The following OSBPL11 variants were observed in gnomAD, a reference collection of about 807,000 sequenced individuals.
The protein encoded by OSBPL11 is oxysterol-binding protein-related protein 11.
A neutral mutation model predicts 84.4 loss-of-function variants in OSBPL11; 33 were observed. The observed-to-expected ratio is 0.39, with a 90% CI of 0.30 to 0.52. OSBPL11 has a LOEUF of 0.52. Ranked by LOEUF, OSBPL11 falls within the 20% of genes least tolerant of loss-of-function variation. The pLI is 0.72. For synonymous variants in OSBPL11, 276 were observed against 310.2 expected (o/e 0.89, Z 1.16); for missense variants, 736 against 901.1 (o/e 0.82, Z 2.35).
chr3:125,575,907 T>G (rs1559845722), intron 5 of OSBPL11, among the ~76,000 whole-genome samples: 1 of 151,302 alleles, frequency 6.6e-6, no homozygotes, highest in Non-Finnish European at 1.5e-5. Context: ...TAATTACCCT[T>G]TTGATCATAA....
intron 11 of OSBPL11, among the ~76,000 whole-genome samples, chr3:125,533,305 A>G (rs1051544200): frequency 3.3e-5 from 5 of 150,686 alleles, no homozygotes; most frequent in Admixed American, 6.6e-5. Context: ...GCTCACTGCA[A>G]CCTCTGCCTC....
At chr3:125,557,089 CTGTTA>C (rs1318780775) in intron 8 of OSBPL11, among the ~76,000 whole-genome samples, 1 of 152,092 alleles carries the variant, frequency 6.6e-6, no homozygotes, top group African/African-American at 2.4e-5. Context: ...AGTGAGAGCT[CTGTTA>C]TGTTAGGGTA....
At position 125,595,356 on chromosome 3, in the gene OSBPL11, C is replaced by G. The variant is rs2107617151; in HGVS notation, c.-556G>C. On this transcript the variant is annotated 5_prime_UTR_variant, in exon 1 of 13. Coordinates refer to ENST00000296220, the MANE Select transcript of OSBPL11 (RefSeq NM_022776.5). ...GGGAATGAGGCCGCCGGGGGCGGGA[C>G]GCCGGCTCCCGGGGCCGCCTCTCCC... is the stretch of plus-strand genomic sequence containing the variant. Among the ~76,000 whole-genome samples, 1 of 152,238 alleles carries G rather than the reference C, an allele frequency of 6.6e-6. No homozygotes were observed. Among genetic ancestry groups the G allele is most frequent in the South Asian group, 2.1e-4 (1 of 4,824 alleles).
chr3:125,539,189 A>T (rs2107588387), intron 10 of OSBPL11, among the ~76,000 whole-genome samples: 1 of 150,400 alleles, frequency 6.6e-6, no homozygotes, highest in East Asian at 1.9e-4. Flanking sequence ...CTCTTGCCAA[A>T]AGAGAAAAAT....
At chr3:125,566,566 T>G (rs1936159379) in intron 6 of OSBPL11, among the ~76,000 whole-genome samples, 2 of 152,106 alleles carry the variant, frequency 1.3e-5, no homozygotes, top group Non-Finnish European at 2.9e-5. Flanking sequence ...CTTTCTTTTA[T>G]GAGTAAGGTG....
chr3:125,567,469 T>C lies in OSBPL11; in HGVS notation c.793A>G (p.Met265Val). Residue 265 changes from methionine to valine, a missense_variant, in exon 6 of 13, where the codon ATG (methionine) becomes GTG (valine). Met to Val is a conservative substitution (Grantham distance 21). Coordinates refer to ENST00000296220, the MANE Select transcript of OSBPL11 (RefSeq NM_022776.5). ...TGAAAGCAGTCATTTAAGCAGTTCA[T>C]AGTTGCCATGGAAGTAGCTTTGAGC... is the stretch of plus-strand genomic sequence containing the variant. ...LMLKATSMAT[M>V]NCLNDCFHIL... 1.2e-6 allele frequency: 2 copies of C among 1,614,162 alleles called. No individual in the cohort carries two copies. The highest frequency in any genetic ancestry group is 1.7e-6 in the Non-Finnish European group (2 of 1,180,004).
At chr3:125,546,328 C>G (rs1010254235) in intron 10 of OSBPL11, among the ~76,000 whole-genome samples, 1 of 151,384 alleles carries the variant, frequency 6.6e-6, no homozygotes, top group Admixed American at 6.6e-5. Context: ...CCACCACACT[C>G]GGCCAATTTT....
chr3:125,537,836 G>A (rs1168825369), intron 11 of OSBPL11, among the ~76,000 whole-genome samples: 1 of 152,100 alleles, frequency 6.6e-6, no homozygotes, highest in African/African-American at 2.4e-5. Flanking sequence ...TTTGGAAGCT[G>A]TACCTTATTA....
chr3:125,586,476 C>G, intron 1 of OSBPL11, among the ~76,000 whole-genome samples: 1 of 151,280 alleles, frequency 6.6e-6, no homozygotes, highest in Non-Finnish European at 1.5e-5. Context: ...AAAATAACTG[C>G]TTCAATTCTT....
intron 5 of OSBPL11, among the ~76,000 whole-genome samples, chr3:125,573,622 G>A (rs1936274423): frequency 6.6e-6 from 1 of 152,070 alleles, no homozygotes; most frequent in Non-Finnish European, 1.5e-5. Flanking sequence ...CAGCACTTTG[G>A]GAGGCCGAGG....
intron 10 of OSBPL11, among the ~76,000 whole-genome samples, chr3:125,542,846 T>C (rs1935753484): frequency 6.6e-6 from 1 of 152,148 alleles, no homozygotes; most frequent in Non-Finnish European, 1.5e-5. Flanking sequence ...GGTTTCTCCA[T>C]GTTGGTCAGG....
chr3:125,595,078 G>C lies in OSBPL11; in HGVS notation c.-278C>G, dbSNP rs1242023056. The C allele has an allele frequency of 2.9e-6, 1 of 349,960 alleles. No homozygotes were observed. Among genetic ancestry groups the C allele is most frequent in the African/African-American group, 2.1e-5 (1 of 48,464 alleles). The allele number at this position is 349,960 out of a possible 1,614,324, so 21.7% of individuals were successfully genotyped here. A position where few individuals can be genotyped will look rare whatever the true frequency, so the allele number is the denominator to read the frequency against. ...GCAAGGAGGAAAAAGCATCCGGCGA[G>C]AAGACTTAAGTGACATACTCAAAAG... On this transcript the variant is annotated 5_prime_UTR_variant, in exon 1 of 13. Coordinates refer to ENST00000296220, the MANE Select transcript of OSBPL11 (RefSeq NM_022776.5).
intron 2 of OSBPL11, among the ~76,000 whole-genome samples, chr3:125,582,111 G>A (rs1413982349): frequency 6.6e-6 from 1 of 152,170 alleles, no homozygotes; most frequent in African/African-American, 2.4e-5. Flanking sequence ...AAGACGGGTA[G>A]ATCACCTGAA....
At chr3:125,560,724 T>C (rs1936064031) in intron 7 of OSBPL11, among the ~76,000 whole-genome samples, 3 of 152,358 alleles carry the variant, frequency 2.0e-5, no homozygotes, top group Admixed American at 1.3e-4. Flanking sequence ...GTTGAACATA[T>C]TGCAGTTTTG....
chr3:125,534,152 G>C (rs1935603186), intron 11 of OSBPL11, among the ~76,000 whole-genome samples: 1 of 152,120 alleles, frequency 6.6e-6, no homozygotes, highest in African/African-American at 2.4e-5. Context: ...AGGCCGACGT[G>C]AGTGGATCAC....
At position 125,552,438 on chromosome 3, in the gene OSBPL11, C is replaced by T. The variant is rs758809102; in HGVS notation, c.1397G>A (p.Ser466Asn). 6.2e-7 allele frequency: 1 copy of T among 1,614,178 alleles called. No homozygotes were observed. Among genetic ancestry groups the T allele is most frequent in the South Asian group, 1.1e-5 (1 of 91,084 alleles). Reference sequence around the variant, plus strand: ...GCTAAAAACACTGGATGCTACCTCGCTTTTTGGCATCTTCCAGGAACAGTG... The same window carrying T: ...GCTAAAAACACTGGATGCTACCTCGTTTTTTGGCATCTTCCAGGAACAGTG... ...TFHCSWKMPK[S>N]EVASSVFSSS... Residue 466 changes from serine (S) to asparagine (N), a missense_variant, in exon 9 of 13, where the codon AGC (serine) becomes AAC (asparagine). Around this residue, in one of 3 missense-constraint regions of OSBPL11, gnomAD observed 579 missense variants for 717.6 expected, o/e 0.81. Transcript: ENST00000296220.
In OSBPL11 at chr3:125,582,934, T is replaced by C; in HGVS notation, c.209A>G (p.Asn70Ser). 6.3e-7 allele frequency: 1 copy of C among 1,599,738 alleles called. No homozygotes were observed. Among genetic ancestry groups the C allele is most frequent in the Non-Finnish European group, 8.5e-7 (1 of 1,176,310 alleles). ...CCTGTACTGCCACCCAGTGACAAGGTTGGTATACTTCATTAAATAGCCATA... is the reference window on the plus strand; with the variant it reads ...CCTGTACTGCCACCCAGTGACAAGGCTGGTATACTTCATTAAATAGCCATA... ...NVYGYLMKYT[N>S]LVTGWQYRFF... The change falls in exon 2 of 13, where the codon AAC becomes AGC. Residue 70 changes from asparagine (N) to serine (S), a missense_variant. Coordinates refer to ENST00000296220, the MANE Select transcript of OSBPL11 (RefSeq NM_022776.5).
intron 9 of OSBPL11, among the ~76,000 whole-genome samples, chr3:125,548,964 C>T (rs1319872740): frequency 2.6e-5 from 4 of 151,610 alleles, no homozygotes; most frequent in African/African-American, 9.7e-5. Flanking sequence ...AAACATGGTT[C>T]TGGCTATATT....
At chr3:125,536,269 T>G (rs1056348572) in intron 11 of OSBPL11, among the ~76,000 whole-genome samples, 1 of 152,200 alleles carries the variant, frequency 6.6e-6, no homozygotes, top group African/African-American at 2.4e-5. Flanking sequence ...AAAAGGCCAG[T>G]TGCAATGTGG....
Sources: allele counts gnomAD v4.1 joint callset (sites outside exome capture counted in the v4.1 genomes callset), GRCh38; gene constraint gnomAD v4.1.1; regional missense constraint gnomAD v4.1.1; transcripts MANE v1.5; gene names NCBI Gene and HGNC (gene_info 2026-07-23, HGNC 2026-07-21).